Variants in ERBB4 observed in about 807,000 individuals in gnomAD.
The protein encoded by ERBB4 is receptor tyrosine-protein kinase erbB-4.
A neutral mutation model predicts 158.0 loss-of-function variants in ERBB4; 42 were observed. The observed-to-expected ratio is 0.27, with a 90% CI of 0.21 to 0.34. ERBB4 has a LOEUF of 0.34. Among genes scored for constraint, ERBB4 ranks in the 10% least tolerant of loss-of-function variants. ERBB4 has a pLI of 1.00. For synonymous variants in ERBB4, 583 were observed against 558.7 expected (o/e 1.04, Z -0.61); for missense variants, 1,333 against 1,624.1 (o/e 0.82, Z 3.08).
intron 1 of ERBB4, among the ~76,000 whole-genome samples, chr2:212,331,153 C>T (rs1047330989): frequency 1.4e-5 from 2 of 144,766 alleles, no homozygotes; most frequent in African/African-American, 4.9e-5. Flanking sequence ...TATAACTTTA[C>T]GTGTAACACT....
intron 25 of ERBB4, among the ~76,000 whole-genome samples, chr2:211,390,148 G>A (rs914059922): frequency 1.1e-4 from 17 of 152,140 alleles, no homozygotes; most frequent in African/African-American, 3.9e-4. Flanking sequence ...ACAAACACTG[G>A]CCTTACCCTC....
chr2:212,081,888 A>G (rs1469019101), intron 2 of ERBB4, among the ~76,000 whole-genome samples: 1 of 152,152 alleles, frequency 6.6e-6, no homozygotes, highest in Non-Finnish European at 1.5e-5. Context: ...ACAATTATAA[A>G]GCACTTCACC....
chr2:212,496,446 A>C (rs1690577290), intron 1 of ERBB4, among the ~76,000 whole-genome samples: 1 of 152,174 alleles, frequency 6.6e-6, no homozygotes, highest in Admixed American at 6.5e-5. Flanking sequence ...AATTGGACAA[A>C]GTATTAAAAA....
intron 2 of ERBB4, among the ~76,000 whole-genome samples, chr2:211,953,004 C>T (rs989494063): frequency 3.3e-5 from 5 of 151,888 alleles, no homozygotes; most frequent in Non-Finnish European, 5.9e-5. Flanking sequence ...AGAAATGGTT[C>T]CTTATACTTT....
At chr2:211,629,826 G>A (rs1193679132) in intron 17 of ERBB4, among the ~76,000 whole-genome samples, 3 of 152,050 alleles carry the variant, frequency 2.0e-5, no homozygotes, top group Non-Finnish European at 2.9e-5. Context: ...AATGGTGCTG[G>A]GAAAACTGGC....
intron 1 of ERBB4, among the ~76,000 whole-genome samples, chr2:212,266,845 C>T (rs146825892): frequency 2.0e-5 from 3 of 151,982 alleles, no homozygotes; most frequent in East Asian, 1.9e-4. Flanking sequence ...AAAAACACAA[C>T]AAATTAAATG....
chr2:212,324,647 A>G lies in ERBB4; in HGVS notation c.83-199744T>C, dbSNP rs80226223. ...AGGTGGATCTTGCCTACATCTTACT[A>G]AATCTGATAATTAGATTTTTGGTTC... On this transcript the variant is annotated intron_variant, in intron 1 of 27. Transcript: ENST00000342788. Among the ~76,000 whole-genome samples, 810 of 150,470 alleles carry G rather than the reference A, an allele frequency of 5.4e-3. 12 individuals are homozygous for G. Among genetic ancestry groups the G allele is most frequent in the African/African-American group, 0.017 (720 of 41,366 alleles).
At chr2:212,535,933 T>C (rs1345974513) in intron 1 of ERBB4, among the ~76,000 whole-genome samples, 2 of 152,214 alleles carry the variant, frequency 1.3e-5, no homozygotes, top group Non-Finnish European at 2.9e-5. Flanking sequence ...CTTAAGAAAT[T>C]AGCATTTCAA....
chr2:212,451,804 A>G (rs1045476026), intron 1 of ERBB4, among the ~76,000 whole-genome samples: 9 of 152,204 alleles, frequency 5.9e-5, no homozygotes, highest in African/African-American at 2.2e-4. Flanking sequence ...TATACTGCAG[A>G]CTTAAGCATA....
intron 3 of ERBB4, among the ~76,000 whole-genome samples, chr2:211,828,384 C>A: frequency 6.6e-6 from 1 of 152,028 alleles, no homozygotes; most frequent in East Asian, 1.9e-4. Flanking sequence ...GAAAGTAGAA[C>A]AAGCTCTTCT....
At chr2:211,588,069 C>T (rs936750440) in intron 19 of ERBB4, among the ~76,000 whole-genome samples, 4 of 152,080 alleles carry the variant, frequency 2.6e-5, no homozygotes, top group Admixed American at 1.3e-4. Flanking sequence ...TTAAAAAGAT[C>T]TCTAAAATAT....
intron 3 of ERBB4, among the ~76,000 whole-genome samples, chr2:211,905,794 GAA>G (rs1391196907): frequency 6.8e-6 from 1 of 148,094 alleles, no homozygotes; most frequent in African/African-American, 2.5e-5. Context: ...TAGGATGAGA[GAA>G]AGTCTCTTTG....
chr2:212,142,612 T>A (rs891869169), intron 1 of ERBB4, among the ~76,000 whole-genome samples: 8 of 147,222 alleles, frequency 5.4e-5, no homozygotes, highest in Non-Finnish European at 1.0e-4. Flanking sequence ...AATATTAAAA[T>A]ATATATATAA....
intron 1 of ERBB4, among the ~76,000 whole-genome samples, chr2:212,536,308 G>A (rs1693057448): frequency 6.6e-6 from 1 of 151,984 alleles, no homozygotes. Context: ...GTGCGGCAGG[G>A]TGGGGGTGGG....
intron 1 of ERBB4, among the ~76,000 whole-genome samples, chr2:212,515,699 TA>T (rs753797029): frequency 6.6e-6 from 1 of 151,760 alleles, no homozygotes; most frequent in Non-Finnish European, 1.5e-5. Flanking sequence ...ACTTAAATTT[TA>T]AAAAAACAAA....
intron 1 of ERBB4, among the ~76,000 whole-genome samples, chr2:212,272,439 G>A (rs763498228): frequency 3.3e-5 from 5 of 151,724 alleles, no homozygotes; most frequent in African/African-American, 7.3e-5. Flanking sequence ...CCGTTGAATT[G>A]TGAAAAGGAA....
intron 4 of ERBB4, 42 bp from the exon 5 acceptor site, chr2:211,750,746 T>C (rs757175381): frequency 2.0e-6 from 3 of 1,535,998 alleles, no homozygotes; most frequent in Non-Finnish European, 2.7e-6. Context: ...CACGTTATAA[T>C]CTTTCACTCC....
At chr2:212,489,263 C>T (rs555911964) in intron 1 of ERBB4, among the ~76,000 whole-genome samples, 2 of 151,962 alleles carry the variant, frequency 1.3e-5, no homozygotes, top group East Asian at 1.9e-4. Context: ...GTATTACCAA[C>T]CCAACATGAC....
intron 3 of ERBB4, among the ~76,000 whole-genome samples, chr2:211,835,969 C>A (rs2077332180): frequency 6.6e-6 from 1 of 151,920 alleles, no homozygotes; most frequent in African/African-American, 2.4e-5. Context: ...GAAGAGTATA[C>A]AAGACACATA....
Sources: allele counts gnomAD v4.1 joint callset (sites outside exome capture counted in the v4.1 genomes callset), GRCh38; gene constraint gnomAD v4.1.1; transcripts MANE v1.5; gene names NCBI Gene and HGNC (gene_info 2026-07-23, HGNC 2026-07-21).